The following PTPRD variants were observed in gnomAD, a reference collection of about 807,000 sequenced individuals.
PTPRD encodes receptor-type tyrosine-protein phosphatase delta.
A neutral mutation model predicts 214.5 loss-of-function variants in PTPRD; 34 were observed. The observed-to-expected ratio is 0.16, with a 90% CI of 0.12 to 0.21. The LOEUF (loss-of-function observed/expected upper bound fraction) is 0.21, where lower values mean the gene tolerates loss of function less well. Ranked by LOEUF, PTPRD falls within the 10% of genes least tolerant of loss-of-function variation. The pLI, the probability that PTPRD is intolerant of heterozygous loss-of-function variation, is 1.00. For missense variants in PTPRD, 2,545 were observed against 2,398.7 expected, an observed-to-expected ratio of 1.06 and a Z score of -1.27; for synonymous variants, 1,128 against 845.7, an observed-to-expected ratio of 1.33 and a Z score of -5.79.
chr9:8,783,606 C>T (rs968674653), intron 11 of PTPRD, among the ~76,000 whole-genome samples: 1 of 152,158 alleles, frequency 6.6e-6, no homozygotes, highest in Non-Finnish European at 1.5e-5. Flanking sequence ...CCACCATACC[C>T]TGGTCATTAG....
At chr9:9,353,943 G>GA (rs1408908436) in intron 9 of PTPRD, among the ~76,000 whole-genome samples, 1 of 151,600 alleles carries the variant, frequency 6.6e-6, no homozygotes, top group Admixed American at 6.6e-5. Flanking sequence ...TCAGGTTATT[G>GA]AAAAAAATTA....
chr9:10,038,925 C>T (rs896988339), intron 3 of PTPRD, among the ~76,000 whole-genome samples: 4 of 152,032 alleles, frequency 2.6e-5, no homozygotes, highest in Non-Finnish European at 4.4e-5. Flanking sequence ...TAGCCTCTAA[C>T]GCTGACGATA....
intron 8 of PTPRD, among the ~76,000 whole-genome samples, chr9:9,417,068 A>G (rs1331619481): frequency 6.6e-6 from 1 of 152,162 alleles, no homozygotes; most frequent in Admixed American, 6.6e-5. Flanking sequence ...CCTTCCAAGC[A>G]TAATCTTCAA....
chr9:10,118,871 TA>T (rs2098752167), intron 3 of PTPRD, among the ~76,000 whole-genome samples: 2 of 28,438 alleles, frequency 7.0e-5, no homozygotes, highest in Non-Finnish European at 1.9e-4. Flanking sequence ...ACACCAAAAA[TA>T]AATAAATAAA....
At chr9:9,970,602 A>T (rs967276280) in intron 4 of PTPRD, among the ~76,000 whole-genome samples, 1 of 152,126 alleles carries the variant, frequency 6.6e-6, no homozygotes, top group Non-Finnish European at 1.5e-5. Flanking sequence ...CAAGCTAAAA[A>T]TCTTAGCAAA....
At chr9:9,376,039 A>C (rs1463787340) in intron 9 of PTPRD, among the ~76,000 whole-genome samples, 2 of 152,236 alleles carry the variant, frequency 1.3e-5, no homozygotes, top group East Asian at 1.9e-4. Context: ...AGACATTTTC[A>C]TAATATAAAG....
intron 4 of PTPRD, among the ~76,000 whole-genome samples, chr9:9,944,897 A>G (rs1389892141): frequency 6.6e-6 from 1 of 152,098 alleles, no homozygotes. Context: ...AGATGTAGAG[A>G]TGAGACTGAA....
At chr9:8,373,679 C>T (rs2082226883) in intron 39 of PTPRD, among the ~76,000 whole-genome samples, 1 of 148,478 alleles carries the variant, frequency 6.7e-6, no homozygotes, top group African/African-American at 2.5e-5. Flanking sequence ...TAAGGCATTA[C>T]AGCTATTTAA....
At chr9:8,784,017 C>A (rs10115018) in intron 11 of PTPRD, among the ~76,000 whole-genome samples, 96,377 of 151,974 alleles carry the variant, frequency 0.63, 30,730 homozygotes, top group Middle Eastern at 0.72. Flanking sequence ...CATATATCCT[C>A]ATGCTTTCTT....
chr9:8,690,543 A>C (rs2097781990), intron 12 of PTPRD, among the ~76,000 whole-genome samples: 1 of 146,516 alleles, frequency 6.8e-6, no homozygotes, highest in South Asian at 2.2e-4. Flanking sequence ...AAAAAAAAAA[A>C]ATTAGATTTA....
rs150807119 is a variant in PTPRD at position 8,838,247 on chromosome 9, TA to T, written c.-103-104302del. On this transcript the variant is annotated intron_variant, in intron 11 of 45. Coordinates refer to ENST00000381196, the MANE Select transcript of PTPRD (RefSeq NM_002839.4). ...CTTAAAACACATAACGACTTCAAAT[TA>T]AAAAAAAAAGAGTACTGCAAATACT... Among the ~76,000 whole-genome samples, 14 of 147,274 alleles carry T rather than the reference TA, an allele frequency of 9.5e-5. 1 individual carries two copies. The highest frequency in any genetic ancestry group is 2.0e-4 in the Admixed American group (3 of 14,748).
At position 8,665,721 on chromosome 9, in the gene PTPRD, C is replaced by A. The variant is rs566493132; in HGVS notation, c.65-28877G>T. Among the ~76,000 whole-genome samples the A allele has an allele frequency of 1.3e-4, 20 of 152,270 alleles. No homozygotes were observed. The East Asian group carries it at 3.9e-3, about 29-fold the overall frequency. On this transcript the variant is annotated intron_variant, in intron 12 of 45. Transcript: ENST00000381196. ...ACTTTTATTTCTCTTCACAGAAATG[C>A]CCCTGCATGACACATAGTAACAAAA...
At chr9:10,336,190 T>C (rs1331697407) in intron 3 of PTPRD, among the ~76,000 whole-genome samples, 1 of 151,788 alleles carries the variant, frequency 6.6e-6, no homozygotes, top group East Asian at 1.9e-4. Context: ...TTAATAAATG[T>C]GAATACTAAA....
intron 7 of PTPRD, among the ~76,000 whole-genome samples, chr9:9,691,328 T>C (rs947039429): frequency 6.6e-6 from 1 of 152,026 alleles, no homozygotes; most frequent in African/African-American, 2.4e-5. Context: ...TTATATTCTG[T>C]TTCCATGAGT....
intron 11 of PTPRD, among the ~76,000 whole-genome samples, chr9:8,824,744 G>GTT (rs201843832): frequency 6.6e-6 from 1 of 151,832 alleles, no homozygotes; most frequent in South Asian, 2.1e-4. Flanking sequence ...ATTCCTTTTG[G>GTT]TTTTTTTTGA....
intron 6 of PTPRD, among the ~76,000 whole-genome samples, chr9:9,738,471 T>C (rs1044007423): frequency 3.2e-5 from 4 of 125,474 alleles, no homozygotes; most frequent in East Asian, 2.2e-4. Context: ...TGAGATGGAG[T>C]CTTGCTCTGT....
chr9:10,532,504 C>A (rs1209888313), intron 2 of PTPRD: 1 of 149,872 alleles, frequency 6.7e-6, no homozygotes, highest in Non-Finnish European at 1.5e-5. Flanking sequence ...GCCAGATGAA[C>A]AGTGTCTGTG....
At chr9:9,819,437 T>A (rs750411800) in intron 5 of PTPRD, among the ~76,000 whole-genome samples, 6 of 152,214 alleles carry the variant, frequency 3.9e-5, no homozygotes, top group Non-Finnish European at 4.4e-5. Flanking sequence ...ATAAGCCTAA[T>A]GATAATTAAT....
intron 4 of PTPRD, among the ~76,000 whole-genome samples, chr9:10,009,505 A>C (rs1209209849): frequency 1.3e-5 from 2 of 151,980 alleles, no homozygotes; most frequent in East Asian, 3.9e-4. Flanking sequence ...CTATACACCT[A>C]GAAGCAATAG....
Sources: gnomAD v4.1 joint callset for allele counts (sites outside exome capture counted in the v4.1 genomes callset) on GRCh38, gnomAD v4.1.1 for gene constraint, MANE v1.5 for transcripts, NCBI Gene and HGNC (gene_info 2026-07-23, HGNC 2026-07-21) for gene names.